SGIP1: variants seen among roughly 807,000 people sequenced by gnomAD.
SGIP1 encodes SH3GL interacting endocytic adaptor 1, also known as SH3-containing GRB2-like protein 3-interacting protein 1.
SGIP1 carries 38 observed loss-of-function variants against 107.5 expected under a neutral mutation model. That is an observed-to-expected ratio of 0.35 (90% CI 0.27 to 0.46). The LOEUF (loss-of-function observed/expected upper bound fraction) is 0.46. SGIP1 is among the 20% of genes least tolerant of loss of function. SGIP1 has a pLI of 1.00. For synonymous variants in SGIP1, 365 were observed against 366.1 expected (o/e 1.00, Z 0.03); for missense variants, 929 against 1,019.5 (o/e 0.91, Z 1.21).
At chr1:66,598,089 A>G (rs2065070519) in intron 1 of SGIP1, among the ~76,000 whole-genome samples, 1 of 152,204 alleles carries the variant, frequency 6.6e-6, no homozygotes, top group African/African-American at 2.4e-5. Flanking sequence ...TCCAACAATT[A>G]AAGTAGCAAC....
chr1:66,614,809 C>CTTTTTTTTT (rs10707091), intron 1 of SGIP1, among the ~76,000 whole-genome samples: 10 of 59,416 alleles, frequency 1.7e-4, no homozygotes, highest in South Asian at 9.4e-4. Flanking sequence ...TTCCAGCTGT[C>CTTTTTTTTT]TTTTTTTTTT....
rs1216499469 is a variant in SGIP1 at position 66,745,437 on chromosome 1, A to G, written c.*2342A>G. 6.6e-6 allele frequency: 1 copy of G among 152,076 alleles called. No individual in the cohort carries two copies. Among genetic ancestry groups the G allele is most frequent in the Non-Finnish European group, 1.5e-5 (1 of 67,920 alleles). 9.4% of individuals were successfully genotyped at this position (152,076 alleles called of 1,614,324 possible). A position where few individuals can be genotyped will look rare whatever the true frequency, so the allele number is the denominator to read the frequency against. On this transcript the variant is annotated 3_prime_UTR_variant, in exon 25 of 25. Coordinates refer to ENST00000371037, the MANE Select transcript of SGIP1 (RefSeq NM_032291.4). ...AATAATAACACAATAAGCTGGTATC[A>G]GGGATTTGCATTTTGACATTTTGTT...
chr1:66,750,048 T>G lies in SGIP1; in HGVS notation c.*6953T>G, dbSNP rs1431274482. Among the ~76,000 whole-genome samples the G allele has an allele frequency of 2.0e-5, 3 of 150,434 alleles. No individual in the cohort carries two copies. The highest frequency in any genetic ancestry group is 1.3e-4 in the Admixed American group (2 of 15,164). ...GTGTGTGTGTGGGGGTGTGTGTGTG[T>G]GTGTGTGTGTGTGTGTGTGTCTCTT... On this transcript the variant is annotated 3_prime_UTR_variant, in exon 25 of 25. Transcript: ENST00000371037.
intron 1 of SGIP1, among the ~76,000 whole-genome samples, chr1:66,538,777 A>G (rs1357953678): frequency 6.6e-6 from 1 of 152,196 alleles, no homozygotes; most frequent in Non-Finnish European, 1.5e-5. Flanking sequence ...TGTGTAAAGA[A>G]CAGTATGGTT....
intron 4 of SGIP1, 131 bp from the exon 5 acceptor site, chr1:66,639,646 T>G (rs1269036556): frequency 2.3e-5 from 16 of 702,300 alleles, no homozygotes; most frequent in Non-Finnish European, 4.0e-5. Context: ...CTTAATAAAC[T>G]GCTCTAATAT....
intron 18 of SGIP1, among the ~76,000 whole-genome samples, chr1:66,705,809 G>T (rs537789650): frequency 2.6e-5 from 4 of 152,242 alleles, no homozygotes; most frequent in Non-Finnish European, 5.9e-5. Context: ...TCATAAGTAG[G>T]AGTTGAACAA....
At chr1:66,647,391 A>G (rs1571200700) in intron 7 of SGIP1, among the ~76,000 whole-genome samples, 1 of 152,198 alleles carries the variant, frequency 6.6e-6, no homozygotes, top group Non-Finnish European at 1.5e-5. Context: ...ACATGGACAC[A>G]TTCACTGCAA....
chr1:66,593,915 A>G (rs1461046716), intron 1 of SGIP1, among the ~76,000 whole-genome samples: 4 of 152,212 alleles, frequency 2.6e-5, no homozygotes, highest in Admixed American at 2.0e-4. Context: ...ACTTTAAAGA[A>G]TATTTATCTA....
Position 66,682,156 on chromosome 1 carries a change from C to A in SGIP1, c.1102C>A (p.Arg368Ser). ...TGPPGPPGPP[R>S]NVLSPLNLEE... Reference sequence around the variant, plus strand: ...CCCCCCAGGGCCTCCTGGGCCTCCTCGCAATGTACTATCGCCGCTCAATTT... The same window carrying A: ...CCCCCCAGGGCCTCCTGGGCCTCCTAGCAATGTACTATCGCCGCTCAATTT... Residue 368 changes from arginine (R) to serine (S), a missense_variant, in exon 15 of 25, where the codon CGC (arginine) becomes AGC (serine). Transcript: ENST00000371037. 6.2e-7 allele frequency: 1 copy of A among 1,614,250 alleles called. No individual in the cohort carries two copies. Among genetic ancestry groups the A allele is most frequent in the East Asian group, 2.2e-5 (1 of 44,876 alleles).
At chr1:66,668,443 C>A (rs1259839326) in intron 9 of SGIP1, among the ~76,000 whole-genome samples, 3 of 152,156 alleles carry the variant, frequency 2.0e-5, no homozygotes, top group South Asian at 2.1e-4. Flanking sequence ...CCTGCCTCGA[C>A]CTCCCAAAGT....
chr1:66,543,160 A>G (rs922917142), intron 1 of SGIP1, among the ~76,000 whole-genome samples: 2 of 152,314 alleles, frequency 1.3e-5, no homozygotes, highest in East Asian at 3.9e-4. Context: ...AAATTTCCAC[A>G]ATTTTCTGAG....
At chr1:66,593,548 T>C (rs1204694481) in intron 1 of SGIP1, among the ~76,000 whole-genome samples, 1 of 152,194 alleles carries the variant, frequency 6.6e-6, no homozygotes, top group East Asian at 1.9e-4. Flanking sequence ...CTTCTACTCA[T>C]TTAGAAAACA....
intron 18 of SGIP1, among the ~76,000 whole-genome samples, chr1:66,712,244 C>T (rs1052098195): frequency 6.6e-6 from 1 of 152,110 alleles, no homozygotes; most frequent in Non-Finnish European, 1.5e-5. Flanking sequence ...TGCCACAACA[C>T]CCCTGAGGGA....
chr1:66,722,311 C>A (rs79919968), intron 19 of SGIP1, among the ~76,000 whole-genome samples: 3,004 of 152,246 alleles, frequency 0.02, 96 homozygotes, highest in African/African-American at 0.068. Context: ...AATAACAACA[C>A]CGCTCCCCAC....
chr1:66,590,186 T>G lies in SGIP1; in HGVS notation c.11-35661T>G, dbSNP rs187231486. Among the ~76,000 whole-genome samples, 9 of 152,358 alleles carry G rather than the reference T, an allele frequency of 5.9e-5. No homozygotes were observed. The East Asian group carries it at 1.5e-3, about 26-fold the overall frequency. On this transcript the variant is annotated intron_variant, in intron 1 of 24. Transcript: ENST00000371037. Reference sequence around the variant, plus strand: ...TCATACTCATTTTGAGAAATGTCATTTTTAACATTGTTTCCCATTTTTAGT... The same window carrying G: ...TCATACTCATTTTGAGAAATGTCATGTTTAACATTGTTTCCCATTTTTAGT...
chr1:66,623,070 C>T (rs776520449), intron 1 of SGIP1, among the ~76,000 whole-genome samples: 2 of 152,194 alleles, frequency 1.3e-5, no homozygotes, highest in African/African-American at 2.4e-5. Flanking sequence ...GACATGAACA[C>T]ACTTCCCTTC....
chr1:66,668,479 C>T (rs775039512), intron 9 of SGIP1, among the ~76,000 whole-genome samples: 2 of 152,096 alleles, frequency 1.3e-5, no homozygotes, highest in Non-Finnish European at 1.5e-5. Context: ...TGAGCCACTG[C>T]GCCCAGCTGA....
chr1:66,701,236 T>C (rs1304059820), intron 18 of SGIP1, among the ~76,000 whole-genome samples: 1 of 152,198 alleles, frequency 6.6e-6, no homozygotes, highest in Non-Finnish European at 1.5e-5. Flanking sequence ...TTGGAAGATA[T>C]GACCAATTTT....
rs1344781619 is a variant in SGIP1 at position 66,620,564 on chromosome 1, G to A, written c.11-5283G>A. Among the ~76,000 whole-genome samples, 7 of 152,188 alleles carry A rather than the reference G, an allele frequency of 4.6e-5. No homozygotes were observed. In the South Asian group the frequency reaches 1.5e-3, roughly 32 times the overall value. On this transcript the variant is annotated intron_variant, in intron 1 of 24. Transcript: ENST00000371037. ...AGACAGAGAGACAGAGAGAGAGAGT[G>A]GGAGGAGGAGATGTGCCACACTTAA...
Sources: allele counts gnomAD v4.1 joint callset (sites outside exome capture counted in the v4.1 genomes callset), GRCh38; gene constraint gnomAD v4.1.1; transcripts MANE v1.5; gene names NCBI Gene and HGNC (gene_info 2026-07-23, HGNC 2026-07-21).